The following EYA2 variants were observed in gnomAD, a reference collection of about 807,000 sequenced individuals.
EYA2 encodes protein phosphatase EYA2.
Under a neutral mutation model 69.2 loss-of-function variants are expected in EYA2, and 31 were observed. That is an observed-to-expected ratio of 0.45 (90% CI 0.34 to 0.60). The LOEUF (loss-of-function observed/expected upper bound fraction) is 0.60. EYA2 is among the 20% of genes least tolerant of loss of function. The pLI is 0.02. For missense variants in EYA2, 622 were observed against 701.2 expected (o/e 0.89, Z 1.28); for synonymous variants, 257 against 279.4 (o/e 0.92, Z 0.80).
intron 8 of EYA2, among the ~76,000 whole-genome samples, chr20:47,096,327 TAGGC>T (rs1179001980): frequency 6.6e-6 from 1 of 152,206 alleles, no homozygotes; most frequent in Non-Finnish European, 1.5e-5. Flanking sequence ...AAAATTGACA[TAGGC>T]AGAGTGCAGA....
At chr20:47,062,800 A>G (rs755454043) in intron 5 of EYA2, among the ~76,000 whole-genome samples, 31 of 152,144 alleles carry the variant, frequency 2.0e-4, no homozygotes, top group Non-Finnish European at 4.0e-4. Flanking sequence ...AAATATGGAA[A>G]GGGGGTATGC....
chr20:46,972,975 C>G (rs1176950178), intron 1 of EYA2, among the ~76,000 whole-genome samples: 1 of 152,174 alleles, frequency 6.6e-6, no homozygotes, highest in African/African-American at 2.4e-5. Flanking sequence ...AGAATTGATT[C>G]AGGCCACAAA....
chr20:46,988,028 A>G, intron 1 of EYA2, among the ~76,000 whole-genome samples: 1 of 140,292 alleles, frequency 7.1e-6, no homozygotes, highest in East Asian at 2.1e-4. Flanking sequence ...AATAAAAATA[A>G]TATATGTTTT....
chr20:46,999,650 C>A (rs1044035501), intron 2 of EYA2, among the ~76,000 whole-genome samples: 39 of 152,214 alleles, frequency 2.6e-4, no homozygotes, highest in African/African-American at 9.4e-4. Flanking sequence ...TTATGACTCT[C>A]TAAATGAACT....
intron 1 of EYA2, among the ~76,000 whole-genome samples, chr20:46,940,517 C>A (rs918383287): frequency 3.3e-5 from 5 of 152,158 alleles, no homozygotes; most frequent in Non-Finnish European, 1.5e-5. Context: ...ATAACAACGA[C>A]GGCAGTTACA....
chr20:47,148,847 C>T (rs1433810368), intron 10 of EYA2, among the ~76,000 whole-genome samples: 1 of 152,192 alleles, frequency 6.6e-6, no homozygotes, highest in Admixed American at 6.5e-5. Flanking sequence ...GGGAAGCCCC[C>T]AAGCCCTACT....
At chr20:46,907,423 G>T (rs1984414223) in intron 1 of EYA2, among the ~76,000 whole-genome samples, 1 of 152,240 alleles carries the variant, frequency 6.6e-6, no homozygotes, top group African/African-American at 2.4e-5. Context: ...GCAGCAGCCT[G>T]TGGGAGGGTC....
intron 1 of EYA2, among the ~76,000 whole-genome samples, chr20:46,914,600 C>T (rs956720688): frequency 4.6e-5 from 7 of 152,130 alleles, no homozygotes; most frequent in Non-Finnish European, 7.3e-5. Context: ...CTTATAAAAC[C>T]ATCAAATCTT....
chr20:47,187,472 T>TC (rs11481863), intron 15 of EYA2, among the ~76,000 whole-genome samples: 73,902 of 152,042 alleles, frequency 0.49, 18,408 homozygotes, highest in African/African-American at 0.58. Flanking sequence ...ATTAGTGTCA[T>TC]CTGACCTGGC....
intron 7 of EYA2, among the ~76,000 whole-genome samples, chr20:47,078,931 A>G (rs2153561): frequency 0.28 from 43,118 of 152,188 alleles, 7,526 homozygotes; most frequent in Non-Finnish European, 0.38. Flanking sequence ...AATTTATCCG[A>G]AAGATAAACT....
chr20:47,069,484 T>A (rs967378096), intron 5 of EYA2, among the ~76,000 whole-genome samples: 1 of 152,140 alleles, frequency 6.6e-6, no homozygotes, highest in African/African-American at 2.4e-5. Flanking sequence ...AGCGAGATTC[T>A]GTTTTTTAAA....
chr20:47,135,374 A>G (rs920765156), intron 9 of EYA2, among the ~76,000 whole-genome samples: 1 of 152,130 alleles, frequency 6.6e-6, no homozygotes, highest in Non-Finnish European at 1.5e-5. Context: ...AAGAAGTGGA[A>G]CTGGCCTTGA....
chr20:46,946,051 C>A (rs1194189150), intron 1 of EYA2, among the ~76,000 whole-genome samples: 1 of 152,154 alleles, frequency 6.6e-6, no homozygotes, highest in Non-Finnish European at 1.5e-5. Context: ...TAAGTACTGA[C>A]CTCAGGATCT....
chr20:47,043,136 G>GTC (rs1985173317), intron 5 of EYA2, among the ~76,000 whole-genome samples: 2 of 152,184 alleles, frequency 1.3e-5, no homozygotes, highest in African/African-American at 2.4e-5. Flanking sequence ...TCATCCTGCT[G>GTC]TCTTACAGAG....
At chr20:47,134,156 G>T (rs6066209) in intron 9 of EYA2, among the ~76,000 whole-genome samples, 41,535 of 152,144 alleles carry the variant, frequency 0.27, 7,106 homozygotes, top group East Asian at 0.39. Context: ...CTCTTCCCAA[G>T]TAAAGACCAC....
chr20:47,029,447 T>G (rs1226872180), intron 5 of EYA2, among the ~76,000 whole-genome samples: 12 of 152,276 alleles, frequency 7.9e-5, no homozygotes, highest in Non-Finnish European at 1.8e-4. Context: ...AATGATGCCA[T>G]AATGGTTGTA....
intron 15 of EYA2, among the ~76,000 whole-genome samples, chr20:47,186,009 C>T (rs1009770389): frequency 6.6e-6 from 1 of 152,154 alleles, no homozygotes; most frequent in African/African-American, 2.4e-5. Context: ...CCTGCCCCCA[C>T]GTTCCCCCAC....
chr20:47,118,253 T>G (rs980212301), intron 9 of EYA2, among the ~76,000 whole-genome samples: 3 of 152,230 alleles, frequency 2.0e-5, no homozygotes, highest in East Asian at 1.9e-4. Flanking sequence ...CCCTCTCTCT[T>G]TTCAGCTGAG....
intron 10 of EYA2, among the ~76,000 whole-genome samples, chr20:47,154,036 C>T (rs2033873488): frequency 6.6e-6 from 1 of 151,970 alleles, no homozygotes; most frequent in Non-Finnish European, 1.5e-5. Flanking sequence ...TCAGTCTGTC[C>T]TAATAAAATA....
Sources: gnomAD v4.1 joint callset for allele counts (sites outside exome capture counted in the v4.1 genomes callset) on GRCh38, gnomAD v4.1.1 for gene constraint, MANE v1.5 for transcripts, NCBI Gene and HGNC (gene_info 2026-07-23, HGNC 2026-07-21) for gene names.